GALNT17: variants seen among roughly 807,000 people sequenced by gnomAD.
GALNT17 encodes UDP-GalNAc:polypeptide N-acetylgalactosaminyltransferase-like 3.
GALNT17 carries 29 observed loss-of-function variants against 63.7 expected under a neutral mutation model. The observed-to-expected ratio is 0.46, with a 90% confidence interval of 0.34 to 0.62. The LOEUF (loss-of-function observed/expected upper bound fraction) is 0.62. GALNT17 is among the 20% of genes least tolerant of loss of function. The pLI is 0.01. For synonymous variants in GALNT17, 305 were observed against 318.3 expected (o/e 0.96, Z 0.45); for missense variants, 603 against 799.6 (o/e 0.75, Z 2.97).
intron 1 of GALNT17, among the ~76,000 whole-genome samples, chr7:71,306,647 T>A (rs1241927143): frequency 6.6e-6 from 1 of 152,196 alleles, no homozygotes; most frequent in African/African-American, 2.4e-5. Context: ...GTTTTTGCCA[T>A]TGAAAGTAAT....
chr7:71,694,329 T>C (rs997922242), intron 9 of GALNT17, among the ~76,000 whole-genome samples: 25 of 150,936 alleles, frequency 1.7e-4, no homozygotes, highest in Admixed American at 1.6e-3. Context: ...TCTCCATAAA[T>C]GCACTATGAT....
intron 5 of GALNT17, among the ~76,000 whole-genome samples, chr7:71,481,991 A>G (rs907527090): frequency 3.9e-5 from 6 of 151,984 alleles, no homozygotes; most frequent in African/African-American, 1.4e-4. Flanking sequence ...CTGCTTAACC[A>G]GCTCCCACAG....
At chr7:71,644,368 C>G (rs139869372) in intron 6 of GALNT17, among the ~76,000 whole-genome samples, 10,133 of 151,384 alleles carry the variant, frequency 0.067, 1,099 homozygotes, top group African/African-American at 0.23. Flanking sequence ...AACCCCATCT[C>G]TACTAAAAAT....
chr7:71,709,719 C>G (rs1280286827), intron 9 of GALNT17, among the ~76,000 whole-genome samples: 1 of 152,088 alleles, frequency 6.6e-6, no homozygotes, highest in African/African-American at 2.4e-5. Flanking sequence ...CTGCCTCAGC[C>G]TCCTGAATAG....
At chr7:71,359,301 G>T (rs1035851659) in intron 2 of GALNT17, among the ~76,000 whole-genome samples, 6 of 152,174 alleles carry the variant, frequency 3.9e-5, no homozygotes, top group African/African-American at 1.4e-4. Flanking sequence ...TCAGAGGAGG[G>T]TGAAGAGGAG....
chr7:71,226,680 A>G (rs56964859), intron 1 of GALNT17, among the ~76,000 whole-genome samples: 2 of 151,880 alleles, frequency 1.3e-5, no homozygotes, highest in African/African-American at 4.8e-5. Context: ...CGGTTTCGCC[A>G]TGTTGGCCAG....
chr7:71,656,790 G>A lies in GALNT17; in HGVS notation c.1081-8621G>A, dbSNP rs76645941. Among the ~76,000 whole-genome samples, 1,503 of 152,256 alleles carry A rather than the reference G, an allele frequency of 9.9e-3. 26 individuals carry two copies. Among genetic ancestry groups the A allele is most frequent in the African/African-American group, 0.034 (1,428 of 41,540 alleles). The stretch of plus-strand genomic sequence containing the variant: ...GCCTAGGGAGGAAGTGGTGAGGATG[G>A]TGCCTGGCTTTCTTTCTGGTATATG... On this transcript the variant is annotated intron_variant, in intron 6 of 10. Coordinates refer to ENST00000333538, the MANE Select transcript of GALNT17 (RefSeq NM_022479.3).
intron 1 of GALNT17, among the ~76,000 whole-genome samples, chr7:71,134,009 T>C (rs974117943): frequency 1.3e-5 from 2 of 152,262 alleles, no homozygotes; most frequent in African/African-American, 2.4e-5. Flanking sequence ...ATTCTTGCTC[T>C]GTGCCAGATG....
chr7:71,243,329 C>G (rs1471416588), intron 1 of GALNT17, among the ~76,000 whole-genome samples: 1 of 152,084 alleles, frequency 6.6e-6, no homozygotes, highest in Admixed American at 6.6e-5. Context: ...TATAATTAAA[C>G]CTCTTTTCTT....
At chr7:71,423,899 G>C (rs900138616) in intron 5 of GALNT17, among the ~76,000 whole-genome samples, 11 of 152,158 alleles carry the variant, frequency 7.2e-5, no homozygotes, top group African/African-American at 2.4e-4. Context: ...TCCAGCCTGG[G>C]CAATAGAAGG....
chr7:71,267,704 ATT>A (rs1790516101), intron 1 of GALNT17, among the ~76,000 whole-genome samples: 1 of 150,668 alleles, frequency 6.6e-6, no homozygotes, highest in African/African-American at 2.5e-5. Context: ...ATTTTATTTT[ATT>A]AAGTTCTGGG....
intron 1 of GALNT17, among the ~76,000 whole-genome samples, chr7:71,202,628 C>T (rs1325570569): frequency 1.3e-5 from 2 of 152,146 alleles, no homozygotes; most frequent in African/African-American, 4.8e-5. Context: ...ATTGCACATA[C>T]TTATCTATGG....
chr7:71,540,961 G>A (rs1011605730), intron 5 of GALNT17, among the ~76,000 whole-genome samples: 29 of 151,968 alleles, frequency 1.9e-4, no homozygotes, highest in Admixed American at 1.2e-3. Context: ...ATGGCCAGCC[G>A]GGCGCGGTGG....
chr7:71,193,248 A>G (rs986065952), intron 1 of GALNT17, among the ~76,000 whole-genome samples: 2 of 151,814 alleles, frequency 1.3e-5, no homozygotes, highest in Admixed American at 1.3e-4. Flanking sequence ...ACAGGTGCAC[A>G]CCACTATGCC....
At chr7:71,205,441 C>G (rs537285757) in intron 1 of GALNT17, among the ~76,000 whole-genome samples, 1 of 152,012 alleles carries the variant, frequency 6.6e-6, no homozygotes, top group Non-Finnish European at 1.5e-5. Context: ...CATGAGCCAC[C>G]GTGCCCGGCC....
intron 5 of GALNT17, among the ~76,000 whole-genome samples, chr7:71,540,816 A>G (rs1231989005): frequency 6.6e-6 from 1 of 152,152 alleles, no homozygotes; most frequent in Non-Finnish European, 1.5e-5. Context: ...CCAGTGGGCC[A>G]TTTTCTTAGT....
chr7:71,416,123 G>T (rs972897148), intron 4 of GALNT17, 60 bp downstream of exon 4: 3 of 1,532,854 alleles, frequency 2.0e-6, no homozygotes, highest in Non-Finnish European at 1.8e-6. Context: ...GAGAGGGGCT[G>T]GAATCTGGGA....
chr7:71,379,469 G>T lies in GALNT17; in HGVS notation c.423-8766G>T, dbSNP rs1050846052. Among the ~76,000 whole-genome samples, 6 of 152,084 alleles carry T rather than the reference G, an allele frequency of 3.9e-5. No homozygotes were observed. The East Asian group carries it at 1.2e-3, about 29-fold the overall frequency. ...TGGTCGCAGTAGGGTAAGTGGGATG[G>T]GGTTGGAGGCAAGGGACCAGTTAGG... On this transcript the variant is annotated intron_variant, in intron 2 of 10. Coordinates refer to ENST00000333538, the MANE Select transcript of GALNT17 (RefSeq NM_022479.3).
At chr7:71,420,535 T>C (rs932918852) in intron 4 of GALNT17, among the ~76,000 whole-genome samples, 3 of 152,170 alleles carry the variant, frequency 2.0e-5, no homozygotes, top group East Asian at 1.9e-4. Context: ...CTGACGACAC[T>C]GTATAAAACT....
Sources: allele counts gnomAD v4.1 joint callset (sites outside exome capture counted in the v4.1 genomes callset), GRCh38; gene constraint gnomAD v4.1.1; transcripts MANE v1.5; gene names NCBI Gene and HGNC (gene_info 2026-07-23, HGNC 2026-07-21).